The following UBXN11 variants were observed in gnomAD, a reference collection of about 807,000 sequenced individuals.
UBXN11 encodes the protein UBX domain-containing protein 11.
In UBXN11, 47 loss-of-function variants were observed where a neutral mutation model predicts 62.8. That is an observed-to-expected ratio of 0.75 (90% confidence interval 0.59 to 0.95). The LOEUF is 0.95. Ranked by LOEUF, UBXN11 falls within the 40% of genes least tolerant of loss-of-function variation. The pLI, the probability that UBXN11 is intolerant of heterozygous loss-of-function variation, is 0.00. For synonymous variants in UBXN11, 294 were observed against 267.0 expected, an observed-to-expected ratio of 1.10 and a Z score of -0.99; for missense variants, 638 against 661.7, an observed-to-expected ratio of 0.96 and a Z score of 0.39.
At chr1:26,309,043 C>T (rs1252111379), upstream of UBXN11, among the ~76,000 whole-genome samples, 2 of 150,102 alleles carry the variant, frequency 1.3e-5, no homozygotes, top group Non-Finnish European at 3.0e-5. Context: ...AGCGATTCTC[C>T]AGCCTCAGCC....
chr1:26,318,252 G>A, exon 1 of UBXN11: 1 of 610,368 alleles, frequency 1.6e-6, no homozygotes, highest in Non-Finnish European at 2.9e-6. Context: ...AGCTCTTCTG[G>A]CTGGGGCTGC....
At chr1:26,307,296 T>A (rs1392571719), upstream of UBXN11, among the ~76,000 whole-genome samples, 2 of 152,222 alleles carry the variant, frequency 1.3e-5, no homozygotes, top group Non-Finnish European at 2.9e-5. Context: ...TTAGGAGTCC[T>A]GGCTCCTTAC....
At chr1:26,303,123 G>A (rs2073579310) in intron 1 of UBXN11, 1 of 437,830 alleles carries the variant, frequency 2.3e-6, no homozygotes, top group Admixed American at 3.6e-5. Flanking sequence ...ACGGCTTTCT[G>A]CTCTGAACTG....
rs1460234932 is a variant in UBXN11 at position 26,282,459 on chromosome 1, A to C, written c.1403T>G (p.Leu468Arg). 6.2e-7 allele frequency: 1 copy of C among 1,606,566 alleles called. No homozygotes were observed. Among genetic ancestry groups the C allele is most frequent in the Admixed American group, 1.7e-5 (1 of 58,258 alleles). The change falls in exon 15 of 15, where the codon CTG becomes CGG. Residue 468 changes from leucine (L) to arginine (R), a missense_variant. Transcript: ENST00000374222. ...CTTCGGGGCTCGGCGTGCCCGCAGC[A>C]GCAGTGCTGCTTTGGGCACAAGGCC... is the stretch of plus-strand genomic sequence containing the variant. ...AAGLVPKAAL[L>R]LRARRAPKSS...
At chr1:26,310,262 G>T (rs1439073659), upstream of UBXN11, among the ~76,000 whole-genome samples, 1 of 152,174 alleles carries the variant, frequency 6.6e-6, no homozygotes, top group Non-Finnish European at 1.5e-5. Flanking sequence ...ACTAGGCCAG[G>T]AGCAGTGGCT....
At chr1:26,310,727 T>TA (rs71004584), upstream of UBXN11, among the ~76,000 whole-genome samples, 142 of 122,180 alleles carry the variant, frequency 1.2e-3, 2 homozygotes, top group East Asian at 0.014. Context: ...GACTCTGTCT[T>TA]AAAAAAAAAA....
chr1:26,313,794 T>C (rs1381010111), intron 1 of UBXN11, among the ~76,000 whole-genome samples: 1 of 150,908 alleles, frequency 6.6e-6, no homozygotes, highest in Non-Finnish European at 1.5e-5. Context: ...TTTTTTTTTT[T>C]TTTTGAGACT....
intron 5 of UBXN11, 60 bp downstream of exon 5, chr1:26,297,902 C>G: frequency 6.4e-7 from 1 of 1,568,682 alleles, no homozygotes; most frequent in South Asian, 1.1e-5. Context: ...CCTGGCCTCC[C>G]CAGCCCAGTC....
intron 7 of UBXN11, among the ~76,000 whole-genome samples, chr1:26,296,315 G>A (rs1256792721): frequency 6.6e-6 from 1 of 152,238 alleles, no homozygotes; most frequent in Non-Finnish European, 1.5e-5. Context: ...TGGGTGCACA[G>A]TGACATACAG....
chr1:26,311,631 C>T (rs1309734079), upstream of UBXN11, among the ~76,000 whole-genome samples: 1 of 151,854 alleles, frequency 6.6e-6, no homozygotes, highest in East Asian at 1.9e-4. Flanking sequence ...TTAGTAGAGA[C>T]AGAGTTTCAC....
At chr1:26,295,569 G>A (rs933172713) in intron 7 of UBXN11, among the ~76,000 whole-genome samples, 5 of 151,986 alleles carry the variant, frequency 3.3e-5, no homozygotes, top group Non-Finnish European at 7.4e-5. Flanking sequence ...CACAGCCACC[G>A]ACCGCAAGCC....
upstream of UBXN11, among the ~76,000 whole-genome samples, chr1:26,307,649 T>C (rs996002409): frequency 1.4e-5 from 2 of 147,346 alleles, no homozygotes; most frequent in Non-Finnish European, 3.0e-5. Context: ...TTTTTTAATT[T>C]TCCGTTTGAC....
intron 1 of UBXN11, among the ~76,000 whole-genome samples, chr1:26,312,038 C>A (rs1234552219): frequency 6.6e-6 from 1 of 152,126 alleles, no homozygotes; most frequent in African/African-American, 2.4e-5. Flanking sequence ...GCCTTTCTCA[C>A]GTTCCAGAAA....
chr1:26,284,604 T>A (rs1005694078), intron 10 of UBXN11, 122 bp from the exon 11 acceptor site: 42 of 1,409,988 alleles, frequency 3.0e-5, no homozygotes, highest in Non-Finnish European at 3.7e-5. Flanking sequence ...CCATTTTACA[T>A]ATGAGGAAAC....
rs887365380 is a variant in UBXN11, at chr1:26,296,939, G to A, written c.412C>T (p.Arg138Trp). Residue 138 changes from arginine to tryptophan, a missense_variant, in exon 7 of 15, where the codon CGG (arginine) becomes TGG (tryptophan). By Grantham distance (101) the Arg-to-Trp change is moderately radical. Coordinates refer to ENST00000374222, the MANE Select transcript of UBXN11 (RefSeq NM_001389556.1). ...CTCACCTCCATCTCCCTGACCTGCC[G>A]CTGCAGCTGCACACACATCGTCTCC... ...ELETMCVQLQ[R>W]QVREMERFLS... 1.1e-5 allele frequency: 17 copies of A among 1,606,912 alleles called. No homozygotes were observed. The highest frequency in any genetic ancestry group is 5.1e-5 in the Admixed American group (3 of 59,200).
At chr1:26,299,314 C>T (rs2073470533) in intron 4 of UBXN11, among the ~76,000 whole-genome samples, 1 of 151,586 alleles carries the variant, frequency 6.6e-6, no homozygotes, top group Non-Finnish European at 1.5e-5. Context: ...GAGTTCGAGA[C>T]CAGCCTGAGC....
intron 1 of UBXN11, chr1:26,317,823 G>GT: frequency 1.7e-6 from 1 of 578,254 alleles, no homozygotes. Flanking sequence ...CCTAGAGCCT[G>GT]GTATTATCCA....
In UBXN11 at chr1:26,284,123, G is replaced by C. The variant is rs984160179; in HGVS notation, c.1077+19C>G. The C allele has an allele frequency of 2.5e-6, 4 of 1,582,968 alleles. No homozygotes were observed. Among genetic ancestry groups the C allele is most frequent in the Non-Finnish European group, 3.4e-6 (4 of 1,163,742 alleles). Reference sequence around the variant, plus strand: ...TAAAGTTCCCCCAGGAGGGCTGGGGGAGTTAGCATTGGCCTCACCTGCAAG... The same window carrying C: ...TAAAGTTCCCCCAGGAGGGCTGGGGCAGTTAGCATTGGCCTCACCTGCAAG... On this transcript the variant is annotated intron_variant, in intron 12 of 14. Coordinates refer to ENST00000374222, the MANE Select transcript of UBXN11 (RefSeq NM_001389556.1).
rs565182654 is a variant in UBXN11, at chr1:26,285,720, C to T, written c.774+103G>A. 1.0e-4 allele frequency: 147 copies of T among 1,448,714 alleles called. 1 individual carries two copies. In the East Asian group the frequency reaches 3.4e-3, roughly 33 times the overall value. 89.7% of individuals were successfully genotyped at this position (1,448,714 alleles called of 1,614,324 possible). On this transcript the variant is annotated intron_variant, in intron 9 of 14. Coordinates refer to ENST00000374222, the MANE Select transcript of UBXN11 (RefSeq NM_001389556.1). ...AAGTCGTGTGTGGGCCTGGGTGCCC[C>T]GTGGAGGGCAGGCTGGGCCTGGGGT...
Sources: gnomAD v4.1 joint callset for allele counts (sites outside exome capture counted in the v4.1 genomes callset) on GRCh38, gnomAD v4.1.1 for gene constraint, MANE v1.5 for transcripts, NCBI Gene and HGNC (gene_info 2026-07-23, HGNC 2026-07-21) for gene names.